The following PPP3CA variants were observed in gnomAD, a reference collection of about 807,000 sequenced individuals.
PPP3CA encodes the protein CAM-PRP catalytic subunit.
Under a neutral mutation model 66.5 loss-of-function variants are expected in PPP3CA, and 14 were observed. That is an observed-to-expected ratio of 0.21 (90% CI 0.14 to 0.33). PPP3CA has a LOEUF of 0.33. Ranked by LOEUF, PPP3CA falls within the 10% of genes least tolerant of loss-of-function variation. The pLI, the probability that PPP3CA is intolerant of heterozygous loss-of-function variation, is 1.00. For missense variants in PPP3CA, 317 were observed against 639.5 expected, an observed-to-expected ratio of 0.50 and a Z score of 5.44; for synonymous variants, 232 against 226.2, an observed-to-expected ratio of 1.03 and a Z score of -0.23.
chr4:101,139,028 G>T (rs1722712193), intron 2 of PPP3CA, among the ~76,000 whole-genome samples: 1 of 152,012 alleles, frequency 6.6e-6, no homozygotes, highest in Admixed American at 6.6e-5. Flanking sequence ...AACAATCCAA[G>T]TATTTTAATT....
intron 1 of PPP3CA, among the ~76,000 whole-genome samples, chr4:101,230,328 A>G (rs1216910458): frequency 1.3e-5 from 2 of 151,206 alleles, no homozygotes; most frequent in Non-Finnish European, 3.0e-5. Flanking sequence ...CACAGACTTT[A>G]TATCATTAAT....
intron 1 of PPP3CA, among the ~76,000 whole-genome samples, chr4:101,273,092 A>C (rs1340887150): frequency 6.6e-6 from 1 of 151,394 alleles, no homozygotes; most frequent in Non-Finnish European, 1.5e-5. Flanking sequence ...ATAAATTTTC[A>C]TTATTGATCC....
intron 1 of PPP3CA, among the ~76,000 whole-genome samples, chr4:101,333,512 A>T (rs1008543507): frequency 1.3e-5 from 2 of 151,752 alleles, no homozygotes; most frequent in Admixed American, 1.3e-4. Flanking sequence ...CTATAATTAA[A>T]ATCGTCCCTG....
At chr4:101,140,468 TAGAA>T in intron 2 of PPP3CA, among the ~76,000 whole-genome samples, 1 of 152,312 alleles carries the variant, frequency 6.6e-6, no homozygotes, top group South Asian at 2.1e-4. Flanking sequence ...CAGCAGCACT[TAGAA>T]GATTAGTCAT....
chr4:101,032,160 A>G, intron 12 of PPP3CA, 107 bp downstream of exon 12: 1 of 801,212 alleles, frequency 1.2e-6, no homozygotes, highest in Non-Finnish European at 1.8e-6. Context: ...GCTGAGAAGA[A>G]GAACCGAAGA....
At chr4:101,177,596 A>T (rs1724103381) in intron 2 of PPP3CA, among the ~76,000 whole-genome samples, 1 of 152,140 alleles carries the variant, frequency 6.6e-6, no homozygotes. Flanking sequence ...AACCAAAACA[A>T]ATGTCAAACA....
At chr4:101,084,106 T>C (rs998077789) in intron 6 of PPP3CA, among the ~76,000 whole-genome samples, 3 of 152,304 alleles carry the variant, frequency 2.0e-5, no homozygotes, top group Admixed American at 6.5e-5. Context: ...ATGTGTATTA[T>C]AAAAATAAAT....
At chr4:101,287,627 C>T (rs980930507) in intron 1 of PPP3CA, among the ~76,000 whole-genome samples, 6 of 152,246 alleles carry the variant, frequency 3.9e-5, no homozygotes, top group African/African-American at 1.4e-4. Flanking sequence ...AAAGGACCCA[C>T]CATCATTCTA....
At chr4:101,150,590 A>G (rs562541771) in intron 2 of PPP3CA, among the ~76,000 whole-genome samples, 1 of 152,318 alleles carries the variant, frequency 6.6e-6, no homozygotes, top group Admixed American at 6.5e-5. Flanking sequence ...GACTGGTATG[A>G]CAGTTGTAAT....
intron 2 of PPP3CA, among the ~76,000 whole-genome samples, chr4:101,169,412 G>C (rs1371944018): frequency 6.6e-6 from 1 of 152,104 alleles, no homozygotes; most frequent in African/African-American, 2.4e-5. Flanking sequence ...TACTCCAGAG[G>C]GCGCTATTTA....
At chr4:101,147,355 A>G (rs1723003011) in intron 2 of PPP3CA, among the ~76,000 whole-genome samples, 1 of 152,228 alleles carries the variant, frequency 6.6e-6, no homozygotes, top group Admixed American at 6.5e-5. Flanking sequence ...AAAATAAATT[A>G]GAAGACTCAG....
In PPP3CA at chr4:101,207,609, T is replaced by C. The variant is rs574391704; in HGVS notation, c.59-11493A>G. Among the ~76,000 whole-genome samples, 6 of 152,210 alleles carry C rather than the reference T, an allele frequency of 3.9e-5. No individual in the cohort carries two copies. In the South Asian group the frequency reaches 8.3e-4, roughly 21 times the overall value. On this transcript the variant is annotated intron_variant, in intron 1 of 13. Coordinates refer to ENST00000394854, the MANE Select transcript of PPP3CA (RefSeq NM_000944.5). ...TGGGAGGCCGAGGTGGGCAGATCAC[T>C]TGAGGTCAGGAGTTCAAGACCAGCC...
At chr4:101,113,439 T>C (rs1721741524) in intron 2 of PPP3CA, among the ~76,000 whole-genome samples, 1 of 152,116 alleles carries the variant, frequency 6.6e-6, no homozygotes, top group East Asian at 1.9e-4. Flanking sequence ...AGGCAACCTC[T>C]TTCATTGCTC....
intron 1 of PPP3CA, among the ~76,000 whole-genome samples, chr4:101,320,513 T>C (rs1038930819): frequency 6.8e-5 from 10 of 147,236 alleles, no homozygotes; most frequent in Middle Eastern, 3.4e-3. Context: ...CACACACACA[T>C]ACACAGACAA....
At position 101,108,889 on chromosome 4, in the gene PPP3CA, TTTTA is replaced by T. The variant is rs1475125548; in HGVS notation, c.384+61_384+64del. The T allele has an allele frequency of 2.3e-5, 35 of 1,516,798 alleles. No individual in the cohort carries two copies. In the East Asian group the frequency reaches 6.9e-4, roughly 30 times the overall value. 94.0% of individuals were successfully genotyped at this position (1,516,798 alleles called of 1,614,324 possible). On this transcript the variant is annotated intron_variant, in intron 3 of 13. Transcript: ENST00000394854. ...TCCATAAGGCAATAACATTTACTGCTTTTATTTTTTTGAGATACTGTTAATCCAT... is the reference window on the plus strand; with the variant it reads ...TCCATAAGGCAATAACATTTACTGCTTTTTTTTGAGATACTGTTAATCCAT...
At chr4:101,161,756 A>G (rs977862255) in intron 2 of PPP3CA, among the ~76,000 whole-genome samples, 4 of 152,158 alleles carry the variant, frequency 2.6e-5, no homozygotes, top group Non-Finnish European at 5.9e-5. Flanking sequence ...GAACAGATGG[A>G]GTTGATGTGT....
At chr4:101,338,117 C>G (rs1166803304) in intron 1 of PPP3CA, among the ~76,000 whole-genome samples, 1 of 152,190 alleles carries the variant, frequency 6.6e-6, no homozygotes, top group Non-Finnish European at 1.5e-5. Context: ...GTATCATCAC[C>G]TGTCTTCCTG....
At chr4:101,279,292 A>C (rs578069231) in intron 1 of PPP3CA, among the ~76,000 whole-genome samples, 18 of 152,330 alleles carry the variant, frequency 1.2e-4, no homozygotes, top group Non-Finnish European at 2.4e-4. Context: ...GCAGAGGTTC[A>C]AGGTGAGAAA....
chr4:101,091,954 T>C (rs1729971390), intron 6 of PPP3CA, among the ~76,000 whole-genome samples: 2 of 151,704 alleles, frequency 1.3e-5, no homozygotes, highest in Admixed American at 6.6e-5. Flanking sequence ...CATAACCTCT[T>C]TTCTCTTTCA....
Sources: gnomAD v4.1 joint callset for allele counts (sites outside exome capture counted in the v4.1 genomes callset) on GRCh38, gnomAD v4.1.1 for gene constraint, MANE v1.5 for transcripts, NCBI Gene and HGNC (gene_info 2026-07-23, HGNC 2026-07-21) for gene names.